DHX35: variants seen among roughly 807,000 people sequenced by gnomAD.
DHX35 encodes the protein probable ATP-dependent RNA helicase DHX35.
DHX35 carries 84 observed loss-of-function variants against 99.6 expected under a neutral mutation model. The ratio of observed to expected loss-of-function variants is 0.84; its 90% CI spans 0.71 to 1.01. The LOEUF (loss-of-function observed/expected upper bound fraction) is 1.01, where lower values mean the gene tolerates loss of function less well. Among genes scored for constraint, DHX35 ranks in the 50% least tolerant of loss-of-function variants. The pLI is 0.00. For synonymous variants in DHX35, 331 were observed against 316.2 expected, an observed-to-expected ratio of 1.05 and a Z score of -0.50; for missense variants, 852 against 888.5, an observed-to-expected ratio of 0.96 and a Z score of 0.52.
intron 8 of DHX35, among the ~76,000 whole-genome samples, chr20:38,999,867 G>A (rs971620184): frequency 2.0e-5 from 3 of 152,212 alleles, no homozygotes; most frequent in African/African-American, 7.2e-5. Flanking sequence ...ATCGAATAAA[G>A]TGCCAGTGCA....
rs1205935094 is a variant in DHX35, at chr20:38,981,289, G to A, written c.268-2410G>A. Among the ~76,000 whole-genome samples the A allele has an allele frequency of 3.3e-5, 5 of 152,170 alleles. No homozygotes were observed. The East Asian group carries it at 9.7e-4, about 29-fold the overall frequency. On this transcript the variant is annotated intron_variant, in intron 3 of 21. Transcript: ENST00000252011. ...CCCTCAGTGGATCTTGTCTGTAGCA[G>A]TGATGATTTTCTTTTCTCCTCTTTC...
chr20:38,994,773 C>T, intron 7 of DHX35, 48 bp from the exon 8 acceptor site: 1 of 1,462,328 alleles, frequency 6.8e-7, no homozygotes, highest in Non-Finnish European at 9.6e-7. Flanking sequence ...TGATCTCATC[C>T]ATAAGTGTTG....
chr20:38,998,932 G>T (rs987624832), intron 8 of DHX35, among the ~76,000 whole-genome samples: 1 of 152,036 alleles, frequency 6.6e-6, no homozygotes, highest in African/African-American at 2.4e-5. Context: ...TAGTAGCTGG[G>T]ATTACAGGCG....
At chr20:38,968,810 C>T (rs1457307618) in intron 1 of DHX35, among the ~76,000 whole-genome samples, 1 of 152,212 alleles carries the variant, frequency 6.6e-6, no homozygotes, top group Non-Finnish European at 1.5e-5. Flanking sequence ...CCTCGGCCTC[C>T]CAAAGTGCTG....
chr20:38,978,501 G>T, intron 3 of DHX35: 1 of 458,638 alleles, frequency 2.2e-6, no homozygotes, highest in South Asian at 2.6e-5. Context: ...AGCTGTGCAG[G>T]GCGGAATCAC....
rs1443990414 is a variant in DHX35, at chr20:39,038,503, T to G, written c.2072T>G (p.Leu691Arg). ...GTGTCTTCTCTTCTGTTGCAGCACC[T>G]GTCTCTGAAAGCCAAAAGGGCCAAG... ...APHFYQQGTH[L>R]SLKAKRAKVQ... Residue 691 changes from leucine (L) to arginine (R), a missense_variant, in exon 22 of 22, where the codon CTG becomes CGG. Coordinates refer to ENST00000252011, the MANE Select transcript of DHX35 (RefSeq NM_021931.4). 2 of 1,613,632 alleles carry G rather than the reference T, an allele frequency of 1.2e-6. No individual in the cohort carries two copies. The highest frequency in any genetic ancestry group is 2.7e-5 in the African/African-American group (2 of 75,070).
At chr20:39,036,550 A>AC (rs1219910703) in intron 21 of DHX35, among the ~76,000 whole-genome samples, 1 of 151,594 alleles carries the variant, frequency 6.6e-6, no homozygotes, top group Non-Finnish European at 1.5e-5. Flanking sequence ...ACATGGTGAA[A>AC]CCCCGTCTCT....
intron 5 of DHX35, among the ~76,000 whole-genome samples, chr20:38,989,392 C>T (rs943987283): frequency 6.0e-5 from 9 of 150,722 alleles, no homozygotes; most frequent in African/African-American, 4.9e-5. Flanking sequence ...GGATTACAGG[C>T]GTGAGCCACT....
At chr20:39,036,725 CCAAA>C (rs1309265845) in intron 21 of DHX35, among the ~76,000 whole-genome samples, 5 of 117,170 alleles carry the variant, frequency 4.3e-5, no homozygotes, top group African/African-American at 1.1e-4. Context: ...GACTGTCCCC[CCAAA>C]AAAAAAAAAA....
At chr20:38,976,004 C>G (rs976511760) in intron 3 of DHX35, among the ~76,000 whole-genome samples, 1 of 152,160 alleles carries the variant, frequency 6.6e-6, no homozygotes, top group Non-Finnish European at 1.5e-5. Context: ...TTTACTCCTG[C>G]AAGGCTTAGC....
At chr20:38,993,405 G>T (rs2086372042) in intron 7 of DHX35, among the ~76,000 whole-genome samples, 1 of 152,158 alleles carries the variant, frequency 6.6e-6, no homozygotes, top group African/African-American at 2.4e-5. Context: ...TGTTGCCCAG[G>T]CGGGAATACA....
intron 3 of DHX35, among the ~76,000 whole-genome samples, chr20:38,974,876 G>C (rs2086053084): frequency 6.6e-6 from 1 of 152,230 alleles, no homozygotes; most frequent in South Asian, 2.1e-4. Flanking sequence ...GTAGGTGGCA[G>C]TTTCAGCCAA....
At chr20:39,030,373 A>G (rs6071636) in intron 19 of DHX35, 11 of 290,486 alleles carry the variant, frequency 3.8e-5, no homozygotes, top group Non-Finnish European at 5.8e-5. Context: ...AATCACATGT[A>G]TTATTTCCAT....
chr20:39,002,724 A>C, intron 9 of DHX35, 48 bp from the exon 10 acceptor site: 1 of 1,543,176 alleles, frequency 6.5e-7, no homozygotes, highest in African/African-American at 1.4e-5. Flanking sequence ...TTGATCTGTA[A>C]TTAATGAGCA....
In DHX35 at chr20:39,034,233, C is replaced by T. The variant is rs746766967; in HGVS notation, c.1983C>T (p.Thr661=). Residue 661 remains threonine, a synonymous_variant, in exon 21 of 22, where the codon ACC becomes ACT. Coordinates refer to ENST00000252011, the MANE Select transcript of DHX35 (RefSeq NM_021931.4). The part of the protein sequence containing the change: ...RWVIYNEVIQ[T]SKYYMRDVTA... ...TCATCTATAACGAAGTTATACAGAC[C>T]TCCAAGTACTACATGAGAGATGTGA... 1.9e-6 allele frequency: 3 copies of T among 1,614,102 alleles called. No individual in the cohort carries two copies. Among genetic ancestry groups the T allele is most frequent in the African/African-American group, 1.3e-5 (1 of 75,050 alleles).
At chr20:39,016,802 A>G (rs2086792536) in intron 14 of DHX35, among the ~76,000 whole-genome samples, 1 of 148,494 alleles carries the variant, frequency 6.7e-6, no homozygotes, top group Non-Finnish European at 1.5e-5. Flanking sequence ...CTTGCTGCCC[A>G]TTTGTAAATC....
chr20:39,017,782 G>T (rs1202204920), intron 14 of DHX35, among the ~76,000 whole-genome samples: 1 of 152,192 alleles, frequency 6.6e-6, no homozygotes, highest in African/African-American at 2.4e-5. Flanking sequence ...AAATGTTCAG[G>T]AGGCAGTTGC....
At chr20:38,969,253 C>A in intron 2 of DHX35, 39 bp downstream of exon 2, 1 of 1,577,784 alleles carries the variant, frequency 6.3e-7, no homozygotes. Context: ...GGGCTTGAAT[C>A]GTGTGTCTGC....
intron 21 of DHX35, 71 bp from the exon 22 acceptor site, chr20:39,038,428 T>TG: frequency 6.6e-7 from 1 of 1,515,000 alleles, no homozygotes; most frequent in Non-Finnish European, 9.1e-7. Flanking sequence ...GTCATTCATA[T>TG]GGGGATTATG....
Sources: gnomAD v4.1 joint callset for allele counts (sites outside exome capture counted in the v4.1 genomes callset) on GRCh38, gnomAD v4.1.1 for gene constraint, MANE v1.5 for transcripts, NCBI Gene and HGNC (gene_info 2026-07-23, HGNC 2026-07-21) for gene names.